The following GNA11 variants were observed in gnomAD, a reference collection of about 807,000 sequenced individuals.
The protein encoded by GNA11 is G protein subunit alpha 11.
Under a neutral mutation model 38.2 loss-of-function variants are expected in GNA11, and 8 were observed. The observed-to-expected ratio is 0.21, with a 90% CI of 0.12 to 0.38. The LOEUF (loss-of-function observed/expected upper bound fraction) is 0.38. Among genes scored for constraint, GNA11 ranks in the 10% least tolerant of loss-of-function variants. GNA11 has a pLI of 1.00. For synonymous variants in GNA11, 211 were observed against 221.4 expected, an observed-to-expected ratio of 0.95 and a Z score of 0.42; for missense variants, 268 against 516.3, an observed-to-expected ratio of 0.52 and a Z score of 4.66.
rs1913680408 is a variant in GNA11, at chr19:3,108,110, G to A, written c.137-2039G>A. 6.6e-6 allele frequency among the ~76,000 whole-genome samples: 1 copy of A among 152,214 alleles called. No homozygotes were observed. The highest frequency in any genetic ancestry group is 2.4e-5 in the African/African-American group (1 of 41,454). On this transcript the variant is annotated intron_variant, in intron 1 of 6. Coordinates refer to ENST00000078429, the MANE Select transcript of GNA11 (RefSeq NM_002067.5). This position sits in a 1 kb window ranked among gnomAD's most constrained non-coding sequence, Gnocchi z 4.5. ...GCTGCCACCGGGGCTCCCCACTCGG[G>A]ATGTGTTGGGTGTTTTGCGAGACCC...
rs536357310 is a variant in GNA11 at position 3,123,248 on chromosome 19, G to A, written c.*2069G>A. 4.3e-6 allele frequency: 1 copy of A among 233,398 alleles called. No individual in the cohort carries two copies. The highest frequency in any genetic ancestry group is 2.2e-5 in the African/African-American group (1 of 45,478). 14.5% of individuals were successfully genotyped at this position (233,398 alleles called of 1,614,324 possible). ...GCAGGCCGGGGCGCTGCGGGGCTAA[G>A]TATTAGGCCTTCCCAGGGAGGGGGC... On this transcript the variant is annotated 3_prime_UTR_variant, in exon 7 of 7. Transcript: ENST00000078429.
Position 3,114,931 on chromosome 19 carries a change from C to CGCTGT in GNA11, c.477-11_477-7dup. 1.3e-6 allele frequency: 2 copies of CGCTGT among 1,597,202 alleles called. No individual in the cohort carries two copies. The highest frequency in any genetic ancestry group is 1.7e-6 in the Non-Finnish European group (2 of 1,172,350). On this transcript the variant is annotated splice_polypyrimidine_tract_variant and intron_variant, in intron 3 of 6. Coordinates refer to ENST00000078429, the MANE Select transcript of GNA11 (RefSeq NM_002067.5). ...CCCGGCAGCCGGCCTGAGCACCCACCGCTGTGTTGCAGCTACCTGACCGAC... is the reference window on the plus strand; with the variant it reads ...CCCGGCAGCCGGCCTGAGCACCCACCGCTGTGCTGTGTTGCAGCTACCTGACCGAC...
At chr19:3,117,267 A>C (rs1376779258) in intron 4 of GNA11, 1 of 152,306 alleles carries the variant, frequency 6.6e-6, no homozygotes, top group Non-Finnish European at 1.5e-5. Context: ...GCCTCTTAAC[A>C]GCGCAGGCCT....
chr19:3,100,746 G>C (rs891858367), intron 1 of GNA11, among the ~76,000 whole-genome samples: 7 of 152,206 alleles, frequency 4.6e-5, no homozygotes, highest in Non-Finnish European at 8.8e-5. Context: ...ACACTCTGGA[G>C]GGAGCCAGGG....
chr19:3,122,329 C>T lies in GNA11; in HGVS notation c.*1150C>T, dbSNP rs372822233. 1.3e-4 allele frequency: 30 copies of T among 232,384 alleles called. 1 individual carries two copies. Among genetic ancestry groups the T allele is most frequent in the South Asian group, 5.4e-4 (3 of 5,526 alleles). The allele number at this position is 232,384 out of a possible 1,614,324, so 14.4% of individuals were successfully genotyped here. A position where few individuals can be genotyped will look rare whatever the true frequency, so the allele number is the denominator to read the frequency against. On this transcript the variant is annotated 3_prime_UTR_variant, in exon 7 of 7. Coordinates refer to ENST00000078429, the MANE Select transcript of GNA11 (RefSeq NM_002067.5). The surrounding 1 kb of genome is among the most constrained non-coding windows in gnomAD (Gnocchi z 7.7). ...TGCGCCCGCCCCCGAGCGCCGCCCC[C>T]GGGGAGCGGGAAGCCAGCACTCGCA...
chr19:3,116,448 CGCATCCTTG>C (rs56958857), intron 4 of GNA11, among the ~76,000 whole-genome samples: 14,708 of 152,012 alleles, frequency 0.097, 751 homozygotes, highest in East Asian at 0.13. Context: ...TAGTGGCGGC[CGCATCCTTG>C]GCATCCTTGG....
Position 3,123,038 on chromosome 19 carries a change from C to A in GNA11, c.*1859C>A, listed in dbSNP as rs554560252. ...TACCTAAGAGGGTTGGTGCCAGAAGCCCCCCATGGCGAGTGCTGGGGCCCG... is the reference window on the plus strand; with the variant it reads ...TACCTAAGAGGGTTGGTGCCAGAAGACCCCCATGGCGAGTGCTGGGGCCCG... On this transcript the variant is annotated 3_prime_UTR_variant, in exon 7 of 7. Coordinates refer to ENST00000078429, the MANE Select transcript of GNA11 (RefSeq NM_002067.5). The A allele has an allele frequency of 1.5e-4, 35 of 233,284 alleles. No individual in the cohort carries two copies. The highest frequency in any genetic ancestry group is 6.6e-4 in the African/African-American group (30 of 45,436). 14.5% of individuals were successfully genotyped at this position (233,284 alleles called of 1,614,324 possible).
rs753555122 is a variant in GNA11, at chr19:3,094,633, G to T, written c.-19G>T. 11 of 1,229,824 alleles carry T rather than the reference G, an allele frequency of 8.9e-6. No homozygotes were observed. In the African/African-American group the frequency reaches 1.7e-4, roughly 19 times the overall value. The allele number at this position is 1,229,824 out of a possible 1,614,324, so 76.2% of individuals were successfully genotyped here. ...GGGGCGGCGGCGGGCAGGCGGCCGC[G>T]TCGGCCGGGGCCGGGACGATGACTC... On this transcript the variant is annotated 5_prime_UTR_variant, in exon 1 of 7. Transcript: ENST00000078429. This position sits in a 1 kb window ranked among gnomAD's most constrained non-coding sequence, Gnocchi z 6.0.
chr19:3,103,517 A>ATATTTTTT (rs1568280006), intron 1 of GNA11, among the ~76,000 whole-genome samples: 1 of 60,348 alleles, frequency 1.7e-5, no homozygotes, highest in Non-Finnish European at 3.6e-5. Context: ...CCGGCCTTGA[A>ATATTTTTT]TCTTTTTTTT....
rs920005277 is a variant in GNA11 at position 3,108,115 on chromosome 19, G to C, written c.137-2034G>C. ...CACCGGGGCTCCCCACTCGGGATGT[G>C]TTGGGTGTTTTGCGAGACCCCCCAC... On this transcript the variant is annotated intron_variant, in intron 1 of 6. Transcript: ENST00000078429. The surrounding 1 kb of genome is among the most constrained non-coding windows in gnomAD (Gnocchi z 4.5). 6.6e-6 allele frequency among the ~76,000 whole-genome samples: 1 copy of C among 152,230 alleles called. No individual in the cohort carries two copies. Among genetic ancestry groups the C allele is most frequent in the Non-Finnish European group, 1.5e-5 (1 of 68,044 alleles).
intron 4 of GNA11, chr19:3,115,423 A>G: frequency 4.5e-6 from 1 of 220,126 alleles, no homozygotes; most frequent in Non-Finnish European, 9.1e-6. Context: ...AAACAAAAGA[A>G]AGCCCATTGG....
At chr19:3,115,946 G>GGGGGCATAGGGGCCGAGGCTGTCAGGGAA (rs1913908499) in intron 4 of GNA11, among the ~76,000 whole-genome samples, 1 of 137,780 alleles carries the variant, frequency 7.3e-6, no homozygotes. Context: ...TGTGAGGGGA[G>GGGGGCATAGGGGCCGAGGCTGTCAGGGAA]GAGGGGTCGT....
At chr19:3,113,609 G>A in intron 3 of GNA11, 125 bp downstream of exon 3, 1 of 693,212 alleles carries the variant, frequency 1.4e-6, no homozygotes, top group Non-Finnish European at 2.3e-6. Flanking sequence ...CAGGGATGCG[G>A]TGGGCCCGGG....
chr19:3,113,563 C>T lies in GNA11; in HGVS notation c.476+79C>T, dbSNP rs113697084. ...CTGGGACCCTTCGGGAAGGCCTCCG[C>T]GGCGTCTGTGGTGCCCCCTGCCTGC... On this transcript the variant is annotated intron_variant, in intron 3 of 6. Coordinates refer to ENST00000078429, the MANE Select transcript of GNA11 (RefSeq NM_002067.5). 3.0e-5 allele frequency: 35 copies of T among 1,155,060 alleles called. 1 individual carries two copies. Among genetic ancestry groups the T allele is most frequent in the Middle Eastern group, 2.0e-4 (1 of 4,912 alleles). The allele number at this position is 1,155,060 out of a possible 1,614,324, so 71.6% of individuals were successfully genotyped here.
Position 3,123,137 on chromosome 19 carries a change from T to G in GNA11, c.*1958T>G, listed in dbSNP as rs913901639. 1 of 233,140 alleles carries G rather than the reference T, an allele frequency of 4.3e-6. No individual in the cohort carries two copies. The highest frequency in any genetic ancestry group is 2.2e-5 in the African/African-American group (1 of 45,344). The allele number at this position is 233,140 out of a possible 1,614,324, so 14.4% of individuals were successfully genotyped here. A position where few individuals can be genotyped will look rare whatever the true frequency, so the allele number is the denominator to read the frequency against. On this transcript the variant is annotated 3_prime_UTR_variant, in exon 7 of 7. Coordinates refer to ENST00000078429, the MANE Select transcript of GNA11 (RefSeq NM_002067.5). ...AACCTTTTCCAGCAGCGGAGCCCTC[T>G]GGGGGGCCTGTGCTTGTGGCATCTC...
intron 1 of GNA11, among the ~76,000 whole-genome samples, chr19:3,107,318 C>T (rs185803872): frequency 1.3e-3 from 191 of 152,326 alleles, no homozygotes; most frequent in African/African-American, 4.4e-3. Flanking sequence ...GACTCCTTCT[C>T]GGCCGTCTTG....
rs3746068 is a variant in GNA11, at chr19:3,114,902, C to A, written c.477-42C>A. On this transcript the variant is annotated intron_variant, in intron 3 of 6. Coordinates refer to ENST00000078429, the MANE Select transcript of GNA11 (RefSeq NM_002067.5). The stretch of plus-strand genomic sequence containing the variant: ...GTGCTGTGTCCCTGTCCTGCCCCCC[C>A]ACCCCCGGCAGCCGGCCTGAGCACC... 2.1e-3 allele frequency: 3,362 copies of A among 1,566,226 alleles called. 54 individuals carry two copies. In the Admixed American group the frequency reaches 0.026, roughly 12 times the overall value.
chr19:3,103,954 G>A (rs1568280140), intron 1 of GNA11, among the ~76,000 whole-genome samples: 1 of 152,144 alleles, frequency 6.6e-6, no homozygotes, highest in Non-Finnish European at 1.5e-5. Flanking sequence ...CAAAGTGCCG[G>A]GATTACAGGT....
chr19:3,121,128 C>G lies in GNA11; in HGVS notation c.1029C>G (p.Ala343=). The stretch of plus-strand genomic sequence containing the variant: ...AGAACATCCGCTTCGTGTTCGCGGC[C>G]GTGAAGGACACCATCCTGCAGCTCA... ...DTENIRFVFA[A]VKDTILQLNL... is the part of the protein sequence containing the mutation. Residue 343 remains alanine, a synonymous_variant, in exon 7 of 7, where the codon GCC becomes GCG. Transcript: ENST00000078429. The G allele has an allele frequency of 6.2e-7, 1 of 1,613,728 alleles. No homozygotes were observed. Among genetic ancestry groups the G allele is most frequent in the Non-Finnish European group, 8.5e-7 (1 of 1,179,850 alleles).
Sources: gnomAD v4.1 joint callset for allele counts (sites outside exome capture counted in the v4.1 genomes callset) on GRCh38, gnomAD v4.1.1 for gene constraint, Gnocchi (gnomAD v3.1) non-coding constraint, MANE v1.5 for transcripts, NCBI Gene and HGNC (gene_info 2026-07-23, HGNC 2026-07-21) for gene names.